TAOK3: variants seen among roughly 807,000 people sequenced by gnomAD.
TAOK3 encodes the protein serine/threonine-protein kinase TAO3.
TAOK3 carries 40 observed loss-of-function variants against 120.4 expected under a neutral mutation model. The ratio of observed to expected loss-of-function variants is 0.33; its 90% CI spans 0.26 to 0.43. The LOEUF (loss-of-function observed/expected upper bound fraction) is 0.43. Ranked by LOEUF, TAOK3 falls within the 20% of genes least tolerant of loss-of-function variation. The pLI is 1.00. For missense variants in TAOK3, 821 were observed against 1,112.1 expected (o/e 0.74, Z 3.72); for synonymous variants, 355 against 387.5 (o/e 0.92, Z 0.99).
chr12:118,152,597 A>G (rs2138189283), intron 19 of TAOK3, 188 bp from the exon 20 acceptor site: 2 of 561,016 alleles, frequency 3.6e-6, no homozygotes, highest in South Asian at 5.0e-5. Flanking sequence ...CCAATGGGCT[A>G]CAATACCAAA....
chr12:118,271,058 G>C lies in TAOK3; in HGVS notation c.-193-4299C>G, dbSNP rs369120267. On this transcript the variant is annotated intron_variant, in intron 1 of 20. Transcript: ENST00000392533. ...CATAGTTAGTATTCTAAAACTGGAT[G>C]GCAAGTGCTTCTTCAGAGAAGGGTA... is the stretch of plus-strand genomic sequence containing the variant. 5.9e-4 allele frequency among the ~76,000 whole-genome samples: 90 copies of C among 152,142 alleles called. 1 individual carries two copies. The highest frequency in any genetic ancestry group is 2.1e-3 in the African/African-American group (88 of 41,504).
At chr12:118,199,509 C>A (rs1315619789) in intron 12 of TAOK3, 24 of 531,788 alleles carry the variant, frequency 4.5e-5, no homozygotes, top group Non-Finnish European at 5.4e-5. Flanking sequence ...CATCCCAGGG[C>A]TTTCCCCTGT....
At chr12:118,270,842 T>A (rs964510868) in intron 1 of TAOK3, among the ~76,000 whole-genome samples, 1 of 150,996 alleles carries the variant, frequency 6.6e-6, no homozygotes, top group Non-Finnish European at 1.5e-5. Flanking sequence ...GCCCAGCTAA[T>A]TTTTTTTTGT....
chr12:118,293,397 G>A (rs948408745), intron 1 of TAOK3, among the ~76,000 whole-genome samples: 1 of 152,050 alleles, frequency 6.6e-6, no homozygotes, highest in Non-Finnish European at 1.5e-5. Context: ...CAAGCCACTT[G>A]GCTGGGTGTG....
At chr12:118,167,998 A>G (rs746229590) in intron 17 of TAOK3, among the ~76,000 whole-genome samples, 2 of 152,198 alleles carry the variant, frequency 1.3e-5, no homozygotes, top group Non-Finnish European at 2.9e-5. Flanking sequence ...AGTCAGCCAG[A>G]GTTTATTTCT....
At chr12:118,311,677 C>A (rs2043269120) in intron 1 of TAOK3, among the ~76,000 whole-genome samples, 1 of 151,354 alleles carries the variant, frequency 6.6e-6, no homozygotes, top group Admixed American at 6.6e-5. Context: ...AAAAACCAAA[C>A]AAAACTAAGA....
At chr12:118,223,495 C>T (rs911272804) in intron 9 of TAOK3, among the ~76,000 whole-genome samples, 6 of 150,430 alleles carry the variant, frequency 4.0e-5, no homozygotes, top group Admixed American at 2.0e-4. Context: ...TACAGGCGCC[C>T]GGCACCACGT....
intron 11 of TAOK3, among the ~76,000 whole-genome samples, chr12:118,208,597 C>T (rs891805628): frequency 3.3e-5 from 5 of 152,010 alleles, no homozygotes; most frequent in African/African-American, 4.8e-5. Context: ...CATACTTTCA[C>T]GGTGGGACTA....
intron 1 of TAOK3, among the ~76,000 whole-genome samples, chr12:118,297,854 C>G (rs913241803): frequency 6.6e-6 from 1 of 152,184 alleles, no homozygotes; most frequent in Middle Eastern, 3.2e-3. Context: ...CTCCCAGTCA[C>G]TCAGGAGGCT....
intron 1 of TAOK3, among the ~76,000 whole-genome samples, chr12:118,289,296 CAAAAAA>C (rs59297201): frequency 7.6e-5 from 6 of 78,686 alleles, no homozygotes; most frequent in African/African-American, 2.0e-4. Flanking sequence ...AAGACTGTCT[CAAAAAA>C]AAAAAAAAAA....
intron 1 of TAOK3, among the ~76,000 whole-genome samples, chr12:118,267,595 A>C (rs180919334): frequency 6.3e-4 from 95 of 151,592 alleles, no homozygotes; most frequent in African/African-American, 2.2e-3. Context: ...CATTATTAAG[A>C]AAAAAATCCG....
chr12:118,223,068 T>C (rs1228107868), intron 9 of TAOK3, among the ~76,000 whole-genome samples: 6 of 105,126 alleles, frequency 5.7e-5, no homozygotes, highest in Non-Finnish European at 1.3e-4. Flanking sequence ...CTTTCTTTTT[T>C]TTTTTTTTTT....
chr12:118,192,373 T>TA (rs1221546431), intron 13 of TAOK3, among the ~76,000 whole-genome samples: 1 of 152,218 alleles, frequency 6.6e-6, no homozygotes, highest in East Asian at 1.9e-4. Flanking sequence ...ATGCTAATAG[T>TA]ATAATTCTTT....
chr12:118,201,668 C>T (rs1175169366), intron 11 of TAOK3, among the ~76,000 whole-genome samples: 1 of 151,924 alleles, frequency 6.6e-6, no homozygotes, highest in Admixed American at 6.6e-5. Context: ...TTCCTTAAGC[C>T]CCATTTTGCG....
chr12:118,258,024 A>C (rs2140180614), intron 2 of TAOK3, among the ~76,000 whole-genome samples: 1 of 152,324 alleles, frequency 6.6e-6, no homozygotes, highest in South Asian at 2.1e-4. Flanking sequence ...AATATTTTTT[A>C]ATATAAGGAT....
intron 1 of TAOK3, among the ~76,000 whole-genome samples, chr12:118,324,700 T>C (rs2043857064): frequency 6.7e-6 from 1 of 149,546 alleles, no homozygotes; most frequent in Non-Finnish European, 1.5e-5. Flanking sequence ...TCCTCCAGTC[T>C]CATCCATGTT....
chr12:118,351,095 C>T (rs2045130377), intron 1 of TAOK3, among the ~76,000 whole-genome samples: 1 of 152,098 alleles, frequency 6.6e-6, no homozygotes, highest in African/African-American at 2.4e-5. Flanking sequence ...ACGAGAATCA[C>T]TTGAACCCGG....
chr12:118,177,091 A>G (rs2036390677), intron 16 of TAOK3, 110 bp downstream of exon 16: 8 of 1,204,622 alleles, frequency 6.6e-6, no homozygotes, highest in Admixed American at 4.2e-5. Context: ...TTCTAATGTA[A>G]AGTTTGAGAC....
intron 1 of TAOK3, among the ~76,000 whole-genome samples, chr12:118,332,732 TAGA>T (rs1307864817): frequency 6.6e-6 from 1 of 152,238 alleles, no homozygotes; most frequent in Non-Finnish European, 1.5e-5. Context: ...GTTGGTGGTG[TAGA>T]AGTAGATCAC....
Sources: gnomAD v4.1 joint callset for allele counts (sites outside exome capture counted in the v4.1 genomes callset) on GRCh38, gnomAD v4.1.1 for gene constraint, MANE v1.5 for transcripts, NCBI Gene and HGNC (gene_info 2026-07-23, HGNC 2026-07-21) for gene names.